The following CCNY variants were observed in gnomAD, a reference collection of about 807,000 sequenced individuals.
CCNY encodes the protein cyclin-Y.
Under a neutral mutation model 42.8 loss-of-function variants are expected in CCNY, and 19 were observed. The observed-to-expected ratio is 0.44, with a 90% CI of 0.31 to 0.65. The LOEUF is 0.65. Among genes scored for constraint, CCNY ranks in the 30% least tolerant of loss-of-function variants. The probability of loss-of-function intolerance (pLI) is 0.07; values close to 1 mark genes in which losing one functional copy is unlikely to be tolerated. For missense variants in CCNY, 370 were observed against 437.3 expected, an observed-to-expected ratio of 0.85 and a Z score of 1.37; for synonymous variants, 165 against 162.7, an observed-to-expected ratio of 1.01 and a Z score of -0.11.
chr10:35,506,067 C>G (rs1377283651), intron 3 of CCNY, among the ~76,000 whole-genome samples: 1 of 152,202 alleles, frequency 6.6e-6, no homozygotes, highest in Non-Finnish European at 1.5e-5. Flanking sequence ...AAATTTAAAA[C>G]ATTTTAAATC....
intron 4 of CCNY, among the ~76,000 whole-genome samples, chr10:35,519,795 T>C (rs1364390590): frequency 2.1e-5 from 3 of 141,452 alleles, no homozygotes; most frequent in Non-Finnish European, 4.6e-5. Flanking sequence ...TTTTTTTTTT[T>C]TTTTTTGAGA....
At chr10:35,372,876 T>G (rs1295249860) in intron 1 of CCNY, among the ~76,000 whole-genome samples, 2 of 152,090 alleles carry the variant, frequency 1.3e-5, no homozygotes, top group Non-Finnish European at 2.9e-5. Flanking sequence ...ATTTTTGTAT[T>G]TTTTAGAGAC....
chr10:35,398,697 T>C (rs887455476), intron 1 of CCNY, among the ~76,000 whole-genome samples: 1 of 151,978 alleles, frequency 6.6e-6, no homozygotes, highest in Non-Finnish European at 1.5e-5. Context: ...CTCACTAGTT[T>C]TTGTCTAAAA....
At position 35,480,359 on chromosome 10, in the gene CCNY, C is replaced by G. The variant is rs569687952; in HGVS notation, c.155-3045C>G. ...GCTGCTTGGCTTCCCCCACAGAGAA[C>G]AAGTGGTCATTCCGCCTTTCCTCGC... On this transcript the variant is annotated intron_variant, in intron 1 of 9. Coordinates refer to ENST00000374704, the MANE Select transcript of CCNY (RefSeq NM_145012.6). Among the ~76,000 whole-genome samples the G allele has an allele frequency of 2.6e-5, 4 of 152,286 alleles. No homozygotes were observed. In the East Asian group the frequency reaches 7.7e-4, roughly 29 times the overall value.
At chr10:35,259,880 T>C (rs1255244515) in intron 3 of CCNY, among the ~76,000 whole-genome samples, 1 of 139,224 alleles carries the variant, frequency 7.2e-6, no homozygotes, top group Non-Finnish European at 1.5e-5. Flanking sequence ...TTATGCATAA[T>C]CAAACAACAT....
At chr10:35,432,757 T>C (rs1448929661) in intron 1 of CCNY, among the ~76,000 whole-genome samples, 1 of 152,236 alleles carries the variant, frequency 6.6e-6, no homozygotes, top group Non-Finnish European at 1.5e-5. Context: ...GAAATTAAAA[T>C]GTTTTCTGAA....
intron 1 of CCNY, among the ~76,000 whole-genome samples, chr10:35,415,300 T>C (rs1838000331): frequency 6.7e-6 from 1 of 149,106 alleles, no homozygotes; most frequent in Non-Finnish European, 1.5e-5. Context: ...AGGGCTGTGT[T>C]GTTTCTCAGA....
intron 7 of CCNY, among the ~76,000 whole-genome samples, chr10:35,545,049 GA>G (rs1364804998): frequency 4.6e-5 from 7 of 152,198 alleles, no homozygotes; most frequent in Non-Finnish European, 8.8e-5. Context: ...AGTAACATTT[GA>G]AAATCACAAC....
intron 2 of CCNY, among the ~76,000 whole-genome samples, chr10:35,486,949 G>A (rs1379419633): frequency 6.6e-6 from 1 of 152,172 alleles, no homozygotes; most frequent in African/African-American, 2.4e-5. Flanking sequence ...GGAGTAGCCT[G>A]TGGATCTTTC....
intron 1 of CCNY, among the ~76,000 whole-genome samples, chr10:35,473,383 TATTTAAA>T (rs1357551605): frequency 2.0e-5 from 3 of 152,324 alleles, no homozygotes; most frequent in Admixed American, 6.5e-5. Flanking sequence ...GTAGAGTAAC[TATTTAAA>T]TTTTATAAGT....
intron 1 of CCNY, among the ~76,000 whole-genome samples, chr10:35,427,517 C>T (rs1359894733): frequency 1.3e-5 from 2 of 152,186 alleles, no homozygotes; most frequent in African/African-American, 4.8e-5. Flanking sequence ...TTTGTCGAAG[C>T]CTTGTGGTAA....
chr10:35,359,932 A>G (rs1413803096), intron 1 of CCNY, among the ~76,000 whole-genome samples: 1 of 152,258 alleles, frequency 6.6e-6, no homozygotes, highest in Admixed American at 6.5e-5. Flanking sequence ...TGTTGCATGT[A>G]TGAAAATTTC....
At chr10:35,392,736 G>A (rs1409557874) in intron 1 of CCNY, among the ~76,000 whole-genome samples, 1 of 152,158 alleles carries the variant, frequency 6.6e-6, no homozygotes, top group African/African-American at 2.4e-5. Flanking sequence ...AGTTGGGAGT[G>A]GAGAAGTGAC....
At chr10:35,489,993 C>T (rs1316422892) in intron 2 of CCNY, among the ~76,000 whole-genome samples, 1 of 152,198 alleles carries the variant, frequency 6.6e-6, no homozygotes, top group African/African-American at 2.4e-5. Flanking sequence ...CCTTCCCTGA[C>T]TGCTGCCCCA....
intron 1 of CCNY, among the ~76,000 whole-genome samples, chr10:35,349,047 T>TTC (rs1204877458): frequency 2.0e-5 from 3 of 152,104 alleles, no homozygotes; most frequent in Non-Finnish European, 2.9e-5. Flanking sequence ...AAATGCAGTG[T>TTC]TCTCGGGATG....
At chr10:35,329,085 A>G (rs1589038146) in intron 3 of CCNY, among the ~76,000 whole-genome samples, 1 of 152,280 alleles carries the variant, frequency 6.6e-6, no homozygotes, top group Admixed American at 6.5e-5. Context: ...GGTTTGGAAC[A>G]TCGATAAGGA....
intron 3 of CCNY, among the ~76,000 whole-genome samples, chr10:35,321,860 T>A (rs1487429090): frequency 6.6e-6 from 1 of 152,158 alleles, no homozygotes; most frequent in Non-Finnish European, 1.5e-5. Flanking sequence ...TTTGGATCAA[T>A]GGAACAAAAT....
At chr10:35,290,290 G>A (rs911258999) in intron 3 of CCNY, among the ~76,000 whole-genome samples, 9 of 147,876 alleles carry the variant, frequency 6.1e-5, no homozygotes, top group African/African-American at 1.8e-4. Flanking sequence ...CGCGGTATGC[G>A]CCTGTAATCC....
chr10:35,247,902 G>A (rs1316773071), intron 1 of CCNY, among the ~76,000 whole-genome samples: 28 of 131,718 alleles, frequency 2.1e-4, no homozygotes, highest in South Asian at 5.0e-4. Context: ...GAAAAGAAAA[G>A]AAAGAAAGAA....
Sources: gnomAD v4.1 joint callset for allele counts (sites outside exome capture counted in the v4.1 genomes callset) on GRCh38, gnomAD v4.1.1 for gene constraint, MANE v1.5 for transcripts, NCBI Gene and HGNC (gene_info 2026-07-23, HGNC 2026-07-21) for gene names.